Variants in NRXN3 observed in about 807,000 individuals in gnomAD.
The protein encoded by NRXN3 is neurexin III.
A neutral mutation model predicts 137.6 loss-of-function variants in NRXN3; 32 were observed. The observed-to-expected ratio is 0.23, with a 90% CI of 0.18 to 0.31. The LOEUF (loss-of-function observed/expected upper bound fraction) is 0.31. NRXN3 is among the 10% of genes least tolerant of loss of function. The probability of loss-of-function intolerance (pLI) is 1.00; values close to 1 mark genes in which losing one functional copy is unlikely to be tolerated. For synonymous variants in NRXN3, 798 were observed against 784.5 expected (o/e 1.02, Z -0.29); for missense variants, 1,574 against 2,062.5 (o/e 0.76, Z 4.59).
chr14:79,816,286 C>T (rs1429356631), intron 20 of NRXN3, among the ~76,000 whole-genome samples: 1 of 152,140 alleles, frequency 6.6e-6, no homozygotes, highest in Non-Finnish European at 1.5e-5. Context: ...CAACACTTCT[C>T]AAAGTACTAA....
chr14:79,823,692 C>A (rs1293043869), intron 20 of NRXN3, among the ~76,000 whole-genome samples: 1 of 152,142 alleles, frequency 6.6e-6, no homozygotes. Context: ...AGGAGACCAG[C>A]AAGGGAAATG....
chr14:79,317,933 A>C (rs2089198397), intron 15 of NRXN3, among the ~76,000 whole-genome samples: 1 of 152,162 alleles, frequency 6.6e-6, no homozygotes, highest in African/African-American at 2.4e-5. Flanking sequence ...TGTAAGCAAA[A>C]GGATTTCAAA....
intron 16 of NRXN3, among the ~76,000 whole-genome samples, chr14:79,549,313 A>G (rs2097351673): frequency 6.6e-6 from 1 of 152,066 alleles, no homozygotes; most frequent in African/African-American, 2.4e-5. Context: ...GGTCTAATAA[A>G]GTCTTCTACC....
chr14:79,295,776 G>A (rs575416711), intron 15 of NRXN3, among the ~76,000 whole-genome samples: 1 of 152,194 alleles, frequency 6.6e-6, no homozygotes, highest in Admixed American at 6.5e-5. Flanking sequence ...CTCCTATTTG[G>A]TAGACTGCTA....
chr14:79,175,466 A>G (rs1356881574), intron 15 of NRXN3, among the ~76,000 whole-genome samples: 1 of 152,240 alleles, frequency 6.6e-6, no homozygotes, highest in Non-Finnish European at 1.5e-5. Context: ...ACTTACAAGT[A>G]TCCATTGCAC....
intron 19 of NRXN3, among the ~76,000 whole-genome samples, chr14:79,755,547 T>G (rs921306423): frequency 1.3e-5 from 2 of 151,776 alleles, no homozygotes; most frequent in Non-Finnish European, 2.9e-5. Flanking sequence ...TTTTTTTTTT[T>G]GCTAGAAGTA....
chr14:78,972,665 G>A (rs1209819463), intron 14 of NRXN3, among the ~76,000 whole-genome samples: 1 of 152,144 alleles, frequency 6.6e-6, no homozygotes, highest in African/African-American at 2.4e-5. Flanking sequence ...TTGGCTCTGA[G>A]GAGGCCGGCT....
chr14:79,548,580 C>T (rs1248321327), intron 16 of NRXN3, among the ~76,000 whole-genome samples: 3 of 151,970 alleles, frequency 2.0e-5, no homozygotes, highest in African/African-American at 7.2e-5. Flanking sequence ...GGTAGTATGG[C>T]ATTTCTAACC....
intron 16 of NRXN3, among the ~76,000 whole-genome samples, chr14:79,484,565 T>C (rs1047454750): frequency 7.2e-5 from 11 of 152,214 alleles, no homozygotes; most frequent in Non-Finnish European, 1.6e-4. Context: ...TTTATGGATA[T>C]TCTTTTAAGC....
At chr14:79,592,233 G>A (rs997612347) in intron 16 of NRXN3, among the ~76,000 whole-genome samples, 20 of 152,166 alleles carry the variant, frequency 1.3e-4, no homozygotes, top group East Asian at 7.7e-4. Flanking sequence ...GAGACTCAGC[G>A]GATTGCTTTT....
chr14:78,453,798 A>G (rs1216922494), intron 4 of NRXN3, among the ~76,000 whole-genome samples: 3 of 152,202 alleles, frequency 2.0e-5, no homozygotes, highest in African/African-American at 7.2e-5. Context: ...ATGCCATGTG[A>G]ACATGAAGGC....
chr14:79,423,238 T>C (rs1220228087), intron 15 of NRXN3, among the ~76,000 whole-genome samples: 1 of 152,150 alleles, frequency 6.6e-6, no homozygotes. Context: ...TGGGTTGGCA[T>C]ATGGGGGTTT....
chr14:79,385,654 T>G (rs2094592822), intron 15 of NRXN3, among the ~76,000 whole-genome samples: 1 of 152,090 alleles, frequency 6.6e-6, no homozygotes, highest in Admixed American at 6.6e-5. Flanking sequence ...AGTGAGTGAG[T>G]TCTCACAAGG....
At chr14:79,203,224 C>A (rs981647194) in intron 15 of NRXN3, among the ~76,000 whole-genome samples, 2 of 152,180 alleles carry the variant, frequency 1.3e-5, no homozygotes, top group African/African-American at 2.4e-5. Flanking sequence ...GAAATTGTTT[C>A]TTCAGGATTA....
chr14:79,667,725 C>A (rs1325188695), intron 17 of NRXN3, among the ~76,000 whole-genome samples: 1 of 152,066 alleles, frequency 6.6e-6, no homozygotes, highest in African/African-American at 2.4e-5. Flanking sequence ...GAGCTATCAT[C>A]CAGGCACTGA....
In NRXN3 at chr14:78,714,853, G is replaced by C. The variant is rs755282982; in HGVS notation, c.1758G>C (p.Pro586=). ...GAGACATGTACCTGGGAGGGCTGCCGGAGAACCGTGCTGGCCTTATTCTCC... is the reference window on the plus strand; with the variant it reads ...GAGACATGTACCTGGGAGGGCTGCCCGAGAACCGTGCTGGCCTTATTCTCC... The part of the protein sequence containing the change: ...LEGDMYLGGL[P]ENRAGLILPT... Residue 586 remains proline, a synonymous_variant, in exon 8 of 21, where the codon CCG becomes CCC. Coordinates refer to ENST00000335750, the MANE Select transcript of NRXN3 (RefSeq NM_001330195.2). The C allele has an allele frequency of 1.7e-5, 27 of 1,614,056 alleles. No individual in the cohort carries two copies. Among genetic ancestry groups the C allele is most frequent in the Non-Finnish European group, 2.3e-5 (27 of 1,180,030 alleles).
At position 79,865,483 on chromosome 14, in the gene NRXN3, T is replaced by C. The variant is rs999089788; in HGVS notation, c.*3519T>C. The C allele has an allele frequency of 2.0e-5, 3 of 152,230 alleles. No homozygotes were observed. The highest frequency in any genetic ancestry group is 6.5e-5 in the Admixed American group (1 of 15,282). The allele number at this position is 152,230 out of a possible 1,614,324, so 9.4% of individuals were successfully genotyped here. On this transcript the variant is annotated 3_prime_UTR_variant, in exon 21 of 21. Transcript: ENST00000335750. Reference sequence around the variant, plus strand: ...TCAAAGAGTTAGAATTTTAAAAATATATATTTAGTTAAGCCTGTGCCTTCA... The same window carrying C: ...TCAAAGAGTTAGAATTTTAAAAATACATATTTAGTTAAGCCTGTGCCTTCA...
chr14:78,682,706 G>T (rs1310182925), intron 6 of NRXN3, among the ~76,000 whole-genome samples: 1 of 147,534 alleles, frequency 6.8e-6, no homozygotes, highest in Admixed American at 6.7e-5. Context: ...ATGGGATGGG[G>T]TTTGGGTGGG....
rs143112149 is a variant in NRXN3, at chr14:78,628,857, G to A, written c.758-16263G>A. 2.6e-3 allele frequency among the ~76,000 whole-genome samples: 390 copies of A among 152,304 alleles called. 1 individual carries two copies. The highest frequency in any genetic ancestry group is 4.2e-3 in the Non-Finnish European group (286 of 68,020). The stretch of plus-strand genomic sequence containing the variant: ...GCTTAGCTTCTGCTCTCACTGCAGT[G>A]CCTTTTACCCAAAACAAACTCTTGT... On this transcript the variant is annotated intron_variant, in intron 4 of 20. Transcript: ENST00000335750.
Sources: gnomAD v4.1 joint callset for allele counts (sites outside exome capture counted in the v4.1 genomes callset) on GRCh38, gnomAD v4.1.1 for gene constraint, MANE v1.5 for transcripts, NCBI Gene and HGNC (gene_info 2026-07-23, HGNC 2026-07-21) for gene names.